Variants in VPS13B observed in about 807,000 individuals in gnomAD.
VPS13B encodes the protein intermembrane lipid transfer protein VPS13B.
A neutral mutation model predicts 426.4 loss-of-function variants in VPS13B; 285 were observed. The observed-to-expected ratio is 0.67, with a 90% confidence interval of 0.61 to 0.74. VPS13B has a LOEUF of 0.74. VPS13B is among the 30% of genes least tolerant of loss of function. VPS13B has a pLI of 0.00. For missense variants in VPS13B, 4,537 were observed against 4,782.6 expected, an observed-to-expected ratio of 0.95 and a Z score of 1.51; for synonymous variants, 1,676 against 1,676.4, an observed-to-expected ratio of 1.00 and a Z score of 0.01.
chr8:99,023,306 T>C (rs193098890), intron 2 of VPS13B, among the ~76,000 whole-genome samples: 4 of 152,184 alleles, frequency 2.6e-5, no homozygotes, highest in South Asian at 4.2e-4. Flanking sequence ...TTCTATGATA[T>C]CAACTTTTTC....
chr8:99,017,072 T>C (rs1003844185), intron 2 of VPS13B, among the ~76,000 whole-genome samples: 3 of 152,138 alleles, frequency 2.0e-5, no homozygotes, highest in African/African-American at 7.3e-5. Context: ...TAGTCTTGTT[T>C]AAGAAATCTT....
intron 35 of VPS13B, among the ~76,000 whole-genome samples, chr8:99,699,015 G>A (rs1268529181): frequency 6.6e-6 from 1 of 151,410 alleles, no homozygotes; most frequent in African/African-American, 2.4e-5. Flanking sequence ...CAGGTCATAA[G>A]GGGGAAACAG....
At chr8:99,508,184 A>G (rs971339559) in intron 28 of VPS13B, among the ~76,000 whole-genome samples, 3 of 152,204 alleles carry the variant, frequency 2.0e-5, no homozygotes, top group East Asian at 1.9e-4. Context: ...CATGTATTGA[A>G]TGATCAAGAG....
intron 33 of VPS13B, among the ~76,000 whole-genome samples, chr8:99,580,285 A>T (rs898287283): frequency 6.7e-6 from 1 of 149,584 alleles, no homozygotes; most frequent in Admixed American, 6.7e-5. Flanking sequence ...AGAAGAAATT[A>T]TGTATATTTA....
chr8:99,590,220 C>T (rs1482239801), intron 33 of VPS13B, among the ~76,000 whole-genome samples: 2 of 151,566 alleles, frequency 1.3e-5, no homozygotes, highest in Non-Finnish European at 2.9e-5. Flanking sequence ...CTATTTGATT[C>T]TTCTCTCTTT....
In VPS13B at chr8:99,383,521, T is replaced by A. The variant is rs1018320169; in HGVS notation, c.2825-687T>A. ...ATACAATTATTTTATATTGTGTGATTCAATGTTTTATAGTATATTCACCAG... is the reference window on the plus strand; with the variant it reads ...ATACAATTATTTTATATTGTGTGATACAATGTTTTATAGTATATTCACCAG... On this transcript the variant is annotated intron_variant, in intron 19 of 61. Coordinates refer to ENST00000357162, the MANE Select transcript of VPS13B (RefSeq NM_152564.5). Among the ~76,000 whole-genome samples the A allele has an allele frequency of 2.0e-5, 3 of 152,346 alleles. No homozygotes were observed. The East Asian group carries it at 5.8e-4, about 29-fold the overall frequency.
rs1817723156 is a variant in VPS13B at position 99,442,474 on chromosome 8, A to G, written c.3284A>G (p.Asp1095Gly). The change falls in exon 23 of 62, where the codon GAC (aspartate) becomes GGC (glycine). Residue 1095 changes from aspartate to glycine, a missense_variant. Coordinates refer to ENST00000357162, the MANE Select transcript of VPS13B (RefSeq NM_152564.5). The stretch of plus-strand genomic sequence containing the variant: ...TCCCCAAGTACAATTGTATCTGGTG[A>G]CATTCCTGGAACAGTAAGAAGTTGG... ...LPSPSTIVSG[D>G]IPGTVRSWYH... The G allele has an allele frequency of 6.2e-7, 1 of 1,613,890 alleles. No individual in the cohort carries two copies. The highest frequency in any genetic ancestry group is 1.3e-5 in the African/African-American group (1 of 74,918).
chr8:99,804,621 T>G (rs887021231), intron 43 of VPS13B, among the ~76,000 whole-genome samples: 15 of 152,190 alleles, frequency 9.9e-5, no homozygotes, highest in Non-Finnish European at 1.8e-4. Context: ...TAATCTTGAT[T>G]TATTTATTCA....
chr8:99,813,941 G>A (rs536636525), intron 44 of VPS13B, among the ~76,000 whole-genome samples: 15 of 152,208 alleles, frequency 9.9e-5, no homozygotes, highest in South Asian at 6.2e-4. Context: ...TGAGACCAGC[G>A]TGGTCAACAT....
At chr8:99,662,629 G>A (rs1206189506) in intron 35 of VPS13B, among the ~76,000 whole-genome samples, 1 of 151,834 alleles carries the variant, frequency 6.6e-6, no homozygotes, top group Non-Finnish European at 1.5e-5. Context: ...TTTATTTTTA[G>A]TAGAGATGAG....
chr8:99,678,243 C>A (rs753059286), intron 35 of VPS13B, among the ~76,000 whole-genome samples: 2 of 152,112 alleles, frequency 1.3e-5, no homozygotes, highest in African/African-American at 2.4e-5. Flanking sequence ...CATCTTCAGG[C>A]CATTCTTATT....
chr8:99,870,177 C>CT (rs113637410), intron 59 of VPS13B, among the ~76,000 whole-genome samples: 1,584 of 148,944 alleles, frequency 0.011, 17 homozygotes, highest in South Asian at 0.035. Flanking sequence ...ACAATCTAGA[C>CT]TTTTTTTTTT....
chr8:99,650,380 C>A (rs1829758470), intron 34 of VPS13B, among the ~76,000 whole-genome samples: 1 of 152,156 alleles, frequency 6.6e-6, no homozygotes, highest in Admixed American at 6.6e-5. Context: ...GGGGAAAATG[C>A]TGTGAGATTC....
At position 99,274,288 on chromosome 8, in the gene VPS13B, C is replaced by T; in HGVS notation, c.2606C>T (p.Ala869Val). ...TGCAGCACATCATTGGTCAAATGTGCCTCTGGGACCATGGGATCAATAAAA... is the reference window on the plus strand; with the variant it reads ...TGCAGCACATCATTGGTCAAATGTGTCTCTGGGACCATGGGATCAATAAAA... Reference protein sequence around the residue: ...KYCSTSLVKCASGTMGSIKIC... With the variant: ...KYCSTSLVKCVSGTMGSIKIC... Residue 869 changes from alanine (A) to valine (V), a missense_variant, in exon 18 of 62, where the codon GCC (alanine) becomes GTC (valine). Transcript: ENST00000357162. 1 of 1,614,086 alleles carries T rather than the reference C, an allele frequency of 6.2e-7. No individual in the cohort carries two copies. The highest frequency in any genetic ancestry group is 8.5e-7 in the Non-Finnish European group (1 of 1,179,998).
intron 36 of VPS13B, among the ~76,000 whole-genome samples, chr8:99,715,268 T>G (rs971886883): frequency 6.6e-6 from 1 of 152,168 alleles, no homozygotes; most frequent in Non-Finnish European, 1.5e-5. Flanking sequence ...GATTCTAAAC[T>G]GTCGATTCAG....
chr8:99,374,147 A>T (rs1227009973), intron 19 of VPS13B, among the ~76,000 whole-genome samples: 1 of 150,880 alleles, frequency 6.6e-6, no homozygotes, highest in African/African-American at 2.4e-5. Flanking sequence ...TGATTTCCTT[A>T]TATGTATTGT....
At chr8:99,819,037 T>C in intron 47 of VPS13B, 149 bp downstream of exon 47, 1 of 865,678 alleles carries the variant, frequency 1.2e-6, no homozygotes, top group Non-Finnish European at 1.8e-6. Context: ...CTTATGAGAA[T>C]GTTATTTTAA....
At chr8:99,249,415 G>A (rs1280298348) in intron 17 of VPS13B, among the ~76,000 whole-genome samples, 2 of 142,172 alleles carry the variant, frequency 1.4e-5, no homozygotes, top group African/African-American at 2.7e-5. Flanking sequence ...TGGGCTATAC[G>A]GTAGTTGAAT....
At chr8:99,066,698 C>T (rs11988731) in intron 3 of VPS13B, among the ~76,000 whole-genome samples, 125,625 of 152,106 alleles carry the variant, frequency 0.83, 52,394 homozygotes, top group South Asian at 0.89. Flanking sequence ...AAGAAACTAC[C>T]ATCAGAGTGA....
Sources: gnomAD v4.1 joint callset for allele counts (sites outside exome capture counted in the v4.1 genomes callset) on GRCh38, gnomAD v4.1.1 for gene constraint, MANE v1.5 for transcripts, NCBI Gene and HGNC (gene_info 2026-07-23, HGNC 2026-07-21) for gene names.